ROR1: variants seen among roughly 807,000 people sequenced by gnomAD.
ROR1 encodes inactive tyrosine-protein kinase transmembrane receptor ROR1.
A neutral mutation model predicts 78.8 loss-of-function variants in ROR1; 19 were observed. That is an observed-to-expected ratio of 0.24 (90% confidence interval 0.17 to 0.35). ROR1 has a LOEUF of 0.35. Ranked by LOEUF, ROR1 falls within the 10% of genes least tolerant of loss-of-function variation. ROR1 has a pLI of 1.00. For synonymous variants in ROR1, 386 were observed against 433.6 expected (o/e 0.89, Z 1.36); for missense variants, 917 against 1,177.8 (o/e 0.78, Z 3.24).
intron 6 of ROR1, 101 bp from the exon 7 acceptor site, chr1:64,142,304 G>A (rs560992780): frequency 9.2e-6 from 14 of 1,519,544 alleles, no homozygotes; most frequent in Non-Finnish European, 1.2e-5. Flanking sequence ...TGGCCACGAG[G>A]TTAATTACCT....
At chr1:64,137,230 C>T (rs947579284) in intron 4 of ROR1, 139 bp from the exon 5 acceptor site, 14 of 770,102 alleles carry the variant, frequency 1.8e-5, no homozygotes, top group Middle Eastern at 2.7e-4. Context: ...AGCAAAAGCC[C>T]AATTCCTTAG....
chr1:63,907,613 T>C (rs1645539260), intron 1 of ROR1, among the ~76,000 whole-genome samples: 1 of 152,216 alleles, frequency 6.6e-6, no homozygotes, highest in Non-Finnish European at 1.5e-5. Flanking sequence ...ACTTCTAAAG[T>C]TCACTGAGCC....
intron 1 of ROR1, among the ~76,000 whole-genome samples, chr1:63,962,696 A>G (rs571148842): frequency 1.3e-5 from 2 of 152,120 alleles, no homozygotes; most frequent in African/African-American, 2.4e-5. Flanking sequence ...GTCACGATGG[A>G]GGCTGAGCTA....
chr1:64,075,118 A>G (rs915265126), intron 4 of ROR1, among the ~76,000 whole-genome samples: 1 of 152,176 alleles, frequency 6.6e-6, no homozygotes, highest in Non-Finnish European at 1.5e-5. Flanking sequence ...TGCTTGATCA[A>G]ACAATAAGCT....
intron 2 of ROR1, among the ~76,000 whole-genome samples, chr1:64,030,564 C>A (rs1234843857): frequency 6.6e-6 from 1 of 152,200 alleles, no homozygotes; most frequent in East Asian, 1.9e-4. Flanking sequence ...CTCATTCCTT[C>A]ATGGAGAAGT....
chr1:63,902,708 A>T (rs1357054511), intron 1 of ROR1, among the ~76,000 whole-genome samples: 3 of 152,340 alleles, frequency 2.0e-5, no homozygotes, highest in South Asian at 4.1e-4. Flanking sequence ...CAGACACCTG[A>T]AAAGTATTGG....
At chr1:63,779,944 A>G (rs1644641082) in intron 1 of ROR1, among the ~76,000 whole-genome samples, 1 of 152,198 alleles carries the variant, frequency 6.6e-6, no homozygotes, top group South Asian at 2.1e-4. Flanking sequence ...CAGGGCCAGC[A>G]AATTTCACAC....
At chr1:64,020,450 A>G (rs1646556021) in intron 2 of ROR1, among the ~76,000 whole-genome samples, 1 of 152,208 alleles carries the variant, frequency 6.6e-6, no homozygotes, top group African/African-American at 2.4e-5. Flanking sequence ...TTCCCTTTGG[A>G]TACTCTACAA....
At chr1:63,803,732 A>G (rs1238148513) in intron 1 of ROR1, among the ~76,000 whole-genome samples, 1 of 152,264 alleles carries the variant, frequency 6.6e-6, no homozygotes, top group East Asian at 1.9e-4. Flanking sequence ...TTATGTCCAC[A>G]TAAAAGCCTT....
At chr1:63,851,206 T>C (rs1645111819) in intron 1 of ROR1, among the ~76,000 whole-genome samples, 1 of 152,130 alleles carries the variant, frequency 6.6e-6, no homozygotes, top group Non-Finnish European at 1.5e-5. Flanking sequence ...TCTCAATTTC[T>C]TGACCTGGTG....
chr1:64,132,856 G>A (rs890499096), intron 4 of ROR1, among the ~76,000 whole-genome samples: 18 of 150,280 alleles, frequency 1.2e-4, no homozygotes, highest in African/African-American at 2.0e-4. Context: ...TGTCAGTACC[G>A]ATCGGTTCAG....
chr1:64,126,330 A>T (rs1030869925), intron 4 of ROR1, among the ~76,000 whole-genome samples: 4 of 152,156 alleles, frequency 2.6e-5, no homozygotes, highest in African/African-American at 9.6e-5. Context: ...ATGTGCTAGG[A>T]CTGTTGCCAG....
intron 1 of ROR1, among the ~76,000 whole-genome samples, chr1:63,812,384 A>ATG (rs1206893044): frequency 1.3e-5 from 2 of 152,222 alleles, no homozygotes; most frequent in East Asian, 3.9e-4. Flanking sequence ...AACAGAGACC[A>ATG]TGTGGGCTGC....
At position 64,102,110 on chromosome 1, in the gene ROR1, C is replaced by G. The variant is rs144587041; in HGVS notation, c.483-35259C>G. 5.8e-4 allele frequency among the ~76,000 whole-genome samples: 89 copies of G among 152,216 alleles called. 1 individual carries two copies. The Middle Eastern group carries it at 0.01, about 17-fold the overall frequency. On this transcript the variant is annotated intron_variant, in intron 4 of 8. Transcript: ENST00000371079. ...GGTGCAAATAGGGCTGGGGAGAGGT[C>G]TGGAGAGAATGAGAGACAGAGGCAC...
chr1:64,103,687 A>G (rs1246610917), intron 4 of ROR1, among the ~76,000 whole-genome samples: 1 of 152,172 alleles, frequency 6.6e-6, no homozygotes, highest in Non-Finnish European at 1.5e-5. Context: ...TGTTCTCTAA[A>G]TAACTGTGGA....
At chr1:64,045,373 G>T (rs532360749) in intron 2 of ROR1, among the ~76,000 whole-genome samples, 2 of 151,922 alleles carry the variant, frequency 1.3e-5, no homozygotes, top group South Asian at 4.2e-4. Context: ...TGGTATACGC[G>T]TGTGGAAAAT....
chr1:63,852,538 A>G (rs908345153), intron 1 of ROR1, among the ~76,000 whole-genome samples: 8 of 152,172 alleles, frequency 5.3e-5, no homozygotes, highest in African/African-American at 1.7e-4. Context: ...GAGAAATTTC[A>G]TGGTTTTTAG....
rs1339556266 is a variant in ROR1, at chr1:64,178,602, G to A, written c.2561G>A (p.Arg854Gln). The change falls in exon 9 of 9, where the codon CGG (arginine) becomes CAG (glutamine). Residue 854 changes from arginine (R) to glutamine (Q), a missense_variant. Physicochemically the swap from Arg to Gln is conservative, Grantham distance 43. Around this residue, in one of 3 missense-constraint regions of ROR1, gnomAD observed 835 missense variants for 1,069.8 expected, o/e 0.78. Transcript: ENST00000371079. This position sits in a 1 kb window ranked among gnomAD's most constrained non-coding sequence, Gnocchi z 4.3. Reference sequence around the variant, plus strand: ...CAGCACTGCCCACCTCCCAAGAGTCGGTCCCCAAGCAGTGCCAGTGGGTCG... The same window carrying A: ...CAGCACTGCCCACCTCCCAAGAGTCAGTCCCCAAGCAGTGCCAGTGGGTCG... The part of the protein sequence containing the change: ...VIQHCPPPKS[R>Q]SPSSASGSTS... The A allele has an allele frequency of 9.3e-6, 15 of 1,614,106 alleles. No homozygotes were observed. Among genetic ancestry groups the A allele is most frequent in the African/African-American group, 4.0e-5 (3 of 75,020 alleles).
intron 2 of ROR1, among the ~76,000 whole-genome samples, chr1:64,015,416 C>T (rs114294090): frequency 1.3e-5 from 2 of 152,324 alleles, no homozygotes; most frequent in African/African-American, 4.8e-5. Flanking sequence ...AGCCCCCTGG[C>T]CTGCCTCTTC....
Sources: gnomAD v4.1 joint callset for allele counts (sites outside exome capture counted in the v4.1 genomes callset) on GRCh38, gnomAD v4.1.1 for gene constraint, gnomAD v4.1.1 regional missense constraint, Gnocchi (gnomAD v3.1) non-coding constraint, MANE v1.5 for transcripts, NCBI Gene and HGNC (gene_info 2026-07-23, HGNC 2026-07-21) for gene names.